Variants in MMP16 observed in about 807,000 individuals in gnomAD.
MMP16 encodes matrix metallopeptidase 16, also known as matrix metalloproteinase-16.
In MMP16, 12 loss-of-function variants were observed where a neutral mutation model predicts 67.8. The ratio of observed to expected loss-of-function variants is 0.18; its 90% CI spans 0.11 to 0.29. The LOEUF is 0.29. Ranked by LOEUF, MMP16 falls within the 10% of genes least tolerant of loss-of-function variation. The pLI is 1.00. For missense variants in MMP16, 475 were observed against 765.7 expected, an observed-to-expected ratio of 0.62 and a Z score of 4.48; for synonymous variants, 249 against 255.9, an observed-to-expected ratio of 0.97 and a Z score of 0.26.
At chr8:88,106,768 T>G (rs1316652997) in intron 6 of MMP16, among the ~76,000 whole-genome samples, 1 of 151,374 alleles carries the variant, frequency 6.6e-6, no homozygotes, top group Non-Finnish European at 1.5e-5. Context: ...TATCTTCATG[T>G]AATTTTTCAA....
At position 88,039,306 on chromosome 8, in the gene MMP16, A is replaced by G. The variant is rs1808097494; in HGVS notation, c.*2155T>C. ...AAATGATGAATTTAGACTTGAAATT[A>G]TATTAAAATGAAATTAAAATTCACT... On this transcript the variant is annotated 3_prime_UTR_variant, in exon 10 of 10. Transcript: ENST00000286614. The surrounding 1 kb of genome is among the most constrained non-coding windows in gnomAD (Gnocchi z 4.5). 1 of 152,450 alleles carries G rather than the reference A, an allele frequency of 6.6e-6. No homozygotes were observed. The highest frequency in any genetic ancestry group is 1.5e-5 in the Non-Finnish European group (1 of 68,004). The allele number at this position is 152,450 out of a possible 1,614,324, so 9.4% of individuals were successfully genotyped here.
chr8:88,043,946 C>CAGT (rs772672675), intron 9 of MMP16, among the ~76,000 whole-genome samples: 2 of 152,132 alleles, frequency 1.3e-5, no homozygotes, highest in Non-Finnish European at 2.9e-5. Context: ...GAATGTACTT[C>CAGT]TTATATCTAT....
chr8:88,218,964 G>C (rs1809636467), intron 1 of MMP16, among the ~76,000 whole-genome samples: 1 of 152,018 alleles, frequency 6.6e-6, no homozygotes, highest in Non-Finnish European at 1.5e-5. Flanking sequence ...TATTAATGGA[G>C]CGTCAACCAT....
intron 4 of MMP16, among the ~76,000 whole-genome samples, chr8:88,156,597 T>C (rs1376320239): frequency 6.6e-6 from 1 of 152,154 alleles, no homozygotes; most frequent in Non-Finnish European, 1.5e-5. Context: ...AGTGGTATGG[T>C]TGTAATTCTG....
At chr8:88,228,291 T>C (rs1023787116) in intron 1 of MMP16, among the ~76,000 whole-genome samples, 5 of 152,122 alleles carry the variant, frequency 3.3e-5, no homozygotes, top group Non-Finnish European at 5.9e-5. Context: ...AATATGAGAA[T>C]TGAAACATAC....
At chr8:88,070,946 T>C (rs1808543027) in intron 7 of MMP16, among the ~76,000 whole-genome samples, 2 of 152,158 alleles carry the variant, frequency 1.3e-5, no homozygotes, top group South Asian at 4.1e-4. Flanking sequence ...TTATGTAATA[T>C]ATTACATTAT....
At chr8:88,302,417 T>G (rs1811117669) in intron 1 of MMP16, among the ~76,000 whole-genome samples, 1 of 152,182 alleles carries the variant, frequency 6.6e-6, no homozygotes, top group African/African-American at 2.4e-5. Context: ...CCTCATTTAG[T>G]CTAATTTGCG....
chr8:88,240,631 T>C (rs1337148839), intron 1 of MMP16, among the ~76,000 whole-genome samples: 2 of 152,192 alleles, frequency 1.3e-5, no homozygotes, highest in African/African-American at 4.8e-5. Context: ...ATGTGGATAA[T>C]GGACTGAGAG....
At chr8:88,189,955 A>G (rs1879199) in intron 2 of MMP16, among the ~76,000 whole-genome samples, 34,031 of 152,048 alleles carry the variant, frequency 0.22, 5,015 homozygotes, top group East Asian at 0.53. Flanking sequence ...GAAGCAAATG[A>G]ACTAAGTCTA....
intron 1 of MMP16, among the ~76,000 whole-genome samples, chr8:88,285,631 T>G (rs1466626556): frequency 1.3e-5 from 2 of 152,190 alleles, no homozygotes; most frequent in African/African-American, 2.4e-5. Context: ...ACTGAAGAGA[T>G]AAAACTTTTG....
At chr8:88,261,059 G>A (rs144339418) in intron 1 of MMP16, among the ~76,000 whole-genome samples, 18 of 152,272 alleles carry the variant, frequency 1.2e-4, no homozygotes, top group Admixed American at 8.5e-4. Context: ...GGAATACATT[G>A]CATTTTGAAA....
Position 88,186,470 on chromosome 8 carries a change from T to G in MMP16, c.404+6A>C. 3 of 1,612,938 alleles carry G rather than the reference T, an allele frequency of 1.9e-6. No homozygotes were observed. The highest frequency in any genetic ancestry group is 2.5e-6 in the Non-Finnish European group (3 of 1,179,614). The stretch of plus-strand genomic sequence containing the variant: ...AAAAGGGGAGATTAATCGTGAGTTC[T>G]TATACCTGTAAGTGATGTGCTTGTG... On this transcript the variant is annotated splice_donor_region_variant and intron_variant, in intron 3 of 9. Transcript: ENST00000286614.
chr8:88,157,229 C>G (rs1397443085), intron 4 of MMP16, among the ~76,000 whole-genome samples: 1 of 152,144 alleles, frequency 6.6e-6, no homozygotes, highest in Non-Finnish European at 1.5e-5. Flanking sequence ...TGTACAGACT[C>G]TTTAACTCTT....
At chr8:88,266,229 A>G (rs972760456) in intron 1 of MMP16, among the ~76,000 whole-genome samples, 1 of 152,190 alleles carries the variant, frequency 6.6e-6, no homozygotes, top group Non-Finnish European at 1.5e-5. Context: ...CCAAGAGAGT[A>G]AATAGACTAA....
At chr8:88,298,343 G>A (rs1421175752) in intron 1 of MMP16, among the ~76,000 whole-genome samples, 2 of 152,082 alleles carry the variant, frequency 1.3e-5, no homozygotes, top group Admixed American at 6.5e-5. Flanking sequence ...TGTACTGCTT[G>A]TAATTGCCAA....
chr8:88,263,003 G>A (rs4043663), intron 1 of MMP16, among the ~76,000 whole-genome samples: 96,559 of 150,636 alleles, frequency 0.64, 32,839 homozygotes, highest in East Asian at 0.88. Flanking sequence ...CCAGCCTGGC[G>A]ACAGAGCAAG....
intron 6 of MMP16, among the ~76,000 whole-genome samples, chr8:88,113,846 G>A (rs754071163): frequency 2.0e-5 from 3 of 152,004 alleles, no homozygotes; most frequent in Non-Finnish European, 2.9e-5. Flanking sequence ...TACATAGCCA[G>A]TGCCTAAAAT....
At position 88,074,657 on chromosome 8, in the gene MMP16, A is replaced by C; in HGVS notation, c.1170T>G (p.Pro390=). ...TATTTTCATAAACTGCATCGATACTAGGAGGCAAGCCCCGCCAGAAGTAAG... is the reference window on the plus strand; with the variant it reads ...TATTTTCATAAACTGCATCGATACTCGGAGGCAAGCCCCGCCAGAAGTAAG... ...QITYFWRGLP[P]SIDAVYENSD... is the part of the protein sequence containing the mutation. Residue 390 remains proline, a synonymous_variant, in exon 7 of 10, where the codon CCT becomes CCG. Coordinates refer to ENST00000286614, the MANE Select transcript of MMP16 (RefSeq NM_005941.5). The C allele has an allele frequency of 1.2e-6, 2 of 1,613,780 alleles. No homozygotes were observed. The highest frequency in any genetic ancestry group is 1.7e-6 in the Non-Finnish European group (2 of 1,179,780).
chr8:88,236,656 G>T (rs981923960), intron 1 of MMP16, among the ~76,000 whole-genome samples: 5 of 152,082 alleles, frequency 3.3e-5, no homozygotes, highest in African/African-American at 4.8e-5. Context: ...AGCTGAGGTG[G>T]GAGGGTCGTT....
Sources: gnomAD v4.1 joint callset for allele counts (sites outside exome capture counted in the v4.1 genomes callset) on GRCh38, gnomAD v4.1.1 for gene constraint, Gnocchi (gnomAD v3.1) non-coding constraint, MANE v1.5 for transcripts, NCBI Gene and HGNC (gene_info 2026-07-23, HGNC 2026-07-21) for gene names.